Variants in TMEM223 observed in about 807,000 individuals in gnomAD.
TMEM223 encodes the protein transmembrane protein 223.
Under a neutral mutation model 14.1 loss-of-function variants are expected in TMEM223, and 14 were observed. The observed-to-expected ratio is 0.99, with a 90% confidence interval of 0.66 to 1.55. The LOEUF (loss-of-function observed/expected upper bound fraction) is 1.55. TMEM223 is among the 40% of genes most tolerant of loss of function. The pLI is 0.00. For synonymous variants in TMEM223, 145 were observed against 120.5 expected (o/e 1.20, Z -1.33); for missense variants, 346 against 269.9 (o/e 1.28, Z -1.97).
At chr11:62,788,447 G>C (rs1007130430), downstream of TMEM223, among the ~76,000 whole-genome samples, 1 of 152,054 alleles carries the variant, frequency 6.6e-6, no homozygotes, top group African/African-American at 2.4e-5. Flanking sequence ...GCTCACGCCT[G>C]TAATCCCAGC....
chr11:62,786,977 C>G, downstream of TMEM223: 5 of 1,448,144 alleles, frequency 3.5e-6, no homozygotes, highest in Non-Finnish European at 4.5e-6. Context: ...TCTGGGCCCG[C>G]CGCCTCTGAG....
At chr11:62,773,295 G>A (rs1325510029) in intron 2 of TMEM223, among the ~76,000 whole-genome samples, 1 of 151,352 alleles carries the variant, frequency 6.6e-6, no homozygotes, top group Admixed American at 6.6e-5. Flanking sequence ...CTACAGGCGC[G>A]GACCACCATG....
chr11:62,772,055 T>C (rs2134693402), exon 3 of TMEM223: 1 of 455,786 alleles, frequency 2.2e-6, no homozygotes, highest in Non-Finnish European at 4.4e-6. Context: ...TTGCTCCCCC[T>C]CCCTACTTAC....
At chr11:62,782,952 A>G (rs776325829), downstream of TMEM223, 14 of 1,384,004 alleles carry the variant, frequency 1.0e-5, no homozygotes, top group Non-Finnish European at 1.4e-5. Flanking sequence ...TTCTGGCCTT[A>G]GGCCAGGCTC....
intron 1 of TMEM223, chr11:62,775,548 G>T (rs2084179955): frequency 1.8e-5 from 9 of 495,880 alleles, no homozygotes; most frequent in Non-Finnish European, 2.9e-5. Flanking sequence ...ACCTAGTTCT[G>T]TGAACCCCAA....
intron 1 of TMEM223, chr11:62,778,683 G>A (rs1394620010): frequency 1.6e-6 from 1 of 625,268 alleles, no homozygotes; most frequent in African/African-American, 1.8e-5. Context: ...ACAGAGCACA[G>A]AGGTGTGCAG....
At chr11:62,779,245 A>T (rs2134709083) in intron 1 of TMEM223, among the ~76,000 whole-genome samples, 1 of 152,132 alleles carries the variant, frequency 6.6e-6, no homozygotes, top group South Asian at 2.1e-4. Flanking sequence ...CCCAGGCTGG[A>T]GTGCAGTGGC....
downstream of TMEM223, chr11:62,786,198 G>A (rs973112820): frequency 1.3e-6 from 2 of 1,559,058 alleles, no homozygotes; most frequent in African/African-American, 2.7e-5. Context: ...TCATGGGAAA[G>A]GGTCCTTGAG....
chr11:62,782,611 G>A (rs1590936811), downstream of TMEM223: 8 of 1,568,124 alleles, frequency 5.1e-6, no homozygotes, highest in East Asian at 1.8e-4. Flanking sequence ...CTGTACAGAT[G>A]CTATTCTCTT....
At chr11:62,787,044 C>G, downstream of TMEM223, 2 of 1,518,590 alleles carry the variant, frequency 1.3e-6, no homozygotes, top group Non-Finnish European at 1.8e-6. Flanking sequence ...AGCAGGGCCC[C>G]GGGACCGGCA....
chr11:62,778,043 C>T, intron 1 of TMEM223: 22 of 1,614,172 alleles, frequency 1.4e-5, no homozygotes, highest in Non-Finnish European at 1.9e-5. Flanking sequence ...GTGAACTCTA[C>T]TTTCCTGAGG....
At chr11:62,786,929 GC>G (rs1382423466), downstream of TMEM223, 4 of 1,478,506 alleles carry the variant, frequency 2.7e-6, no homozygotes, top group Admixed American at 2.4e-5. Flanking sequence ...GGCGACGAGA[GC>G]CCCCGGGGCA....
chr11:62,781,657 G>A lies in TMEM223; in HGVS notation c.315-6992C>T, dbSNP rs1373233881. 4.8e-5 allele frequency: 14 copies of A among 288,896 alleles called. 1 individual carries two copies. The highest frequency in any genetic ancestry group is 1.4e-4 in the South Asian group (6 of 42,344). The allele number at this position is 288,896 out of a possible 1,614,324, so 17.9% of individuals were successfully genotyped here. ...GCCACTGGGCGACAGAGCGAGACTC[G>A]GTCTCAAAAAAAAAAAAAAAAGTTG... On this transcript the variant is annotated intron_variant, in intron 1 of 2. Coordinates refer to the TMEM223 transcript ENST00000528367.
At chr11:62,779,976 A>ATATTT (rs1294367864) in intron 1 of TMEM223, among the ~76,000 whole-genome samples, 1 of 52,624 alleles carries the variant, frequency 1.9e-5, no homozygotes, top group Non-Finnish European at 3.6e-5. Flanking sequence ...ATATATATAT[A>ATATTT]TTTTTTTTTT....
At chr11:62,789,137 G>A (rs780799961), downstream of TMEM223, 22 of 1,614,130 alleles carry the variant, frequency 1.4e-5, no homozygotes, top group South Asian at 8.8e-5. Context: ...TGGGGCCTCT[G>A]GCCTCTTGGC....
At chr11:62,787,419 T>A, downstream of TMEM223, 2 of 1,557,062 alleles carry the variant, frequency 1.3e-6, no homozygotes, top group Non-Finnish European at 1.7e-6. Context: ...CGCTTCCTGG[T>A]GGTCAGGGCG....
At chr11:62,786,214 A>G (rs369124964), downstream of TMEM223, 22 of 1,581,792 alleles carry the variant, frequency 1.4e-5, no homozygotes, top group Non-Finnish European at 1.9e-5. Context: ...TTGAGAGGGA[A>G]TAAGTATCAA....
At chr11:62,787,391 G>T (rs763990565), downstream of TMEM223, 6 of 1,554,168 alleles carry the variant, frequency 3.9e-6, no homozygotes, top group Non-Finnish European at 5.2e-6. Context: ...GGCTTTGGGC[G>T]GGGTGCTGCT....
chr11:62,787,607 G>C (rs2134735286), downstream of TMEM223: 6 of 1,430,760 alleles, frequency 4.2e-6, no homozygotes, highest in East Asian at 2.5e-5. Context: ...CTTTCCGACC[G>C]GGCTTGCTGC....
Sources: allele counts gnomAD v4.1 joint callset (sites outside exome capture counted in the v4.1 genomes callset), GRCh38; gene constraint gnomAD v4.1.1; transcripts MANE v1.5; gene names NCBI Gene and HGNC (gene_info 2026-07-23, HGNC 2026-07-21).